Variants in LAMA1 observed in about 807,000 individuals in gnomAD.
LAMA1 encodes the protein laminin subunit alpha-1.
In LAMA1, 219 loss-of-function variants were observed where a neutral mutation model predicts 348.7. The observed-to-expected ratio is 0.63, with a 90% CI of 0.56 to 0.70. The LOEUF (loss-of-function observed/expected upper bound fraction) is 0.70, where lower values mean the gene tolerates loss of function less well. Among genes scored for constraint, LAMA1 ranks in the 30% least tolerant of loss-of-function variants. The probability of loss-of-function intolerance (pLI) is 0.00; values close to 1 mark genes in which losing one functional copy is unlikely to be tolerated. For missense variants in LAMA1, 3,744 were observed against 3,888.0 expected (o/e 0.96, Z 0.99); for synonymous variants, 1,487 against 1,491.0 (o/e 1.00, Z 0.06).
chr18:6,953,700 C>G (rs1288153993), intron 57 of LAMA1: 1 of 152,216 alleles, frequency 6.6e-6, no homozygotes, highest in Non-Finnish European at 1.5e-5. Context: ...ATTCCTTCCT[C>G]ATAGGAGAAT....
At chr18:7,068,497 T>C (rs1425188075) in intron 3 of LAMA1, among the ~76,000 whole-genome samples, 1 of 152,218 alleles carries the variant, frequency 6.6e-6, no homozygotes, top group East Asian at 1.9e-4. Flanking sequence ...TTCTTAGATA[T>C]GATGCAATGG....
intron 1 of LAMA1, among the ~76,000 whole-genome samples, chr18:7,107,269 C>T (rs2058315987): frequency 6.6e-6 from 1 of 152,008 alleles, no homozygotes; most frequent in Admixed American, 6.6e-5. Context: ...CAGGCACCCG[C>T]CACCACGCCC....
chr18:7,008,429 T>C, intron 28 of LAMA1, 59 bp downstream of exon 28: 2 of 1,604,606 alleles, frequency 1.2e-6, no homozygotes, highest in African/African-American at 1.3e-5. Context: ...TGGGAGTTGC[T>C]GTAACAAGCA....
intron 12 of LAMA1, among the ~76,000 whole-genome samples, chr18:7,037,118 C>T (rs1037000971): frequency 6.6e-6 from 1 of 152,192 alleles, no homozygotes; most frequent in Non-Finnish European, 1.5e-5. Flanking sequence ...CAGATGAGCA[C>T]AGCCTGCCAC....
Position 7,026,029 on chromosome 18 carries a change from T to G in LAMA1, c.2352A>C (p.Thr784=), listed in dbSNP as rs753377189. 6.2e-7 allele frequency: 1 copy of G among 1,609,682 alleles called. No homozygotes were observed. The highest frequency in any genetic ancestry group is 1.3e-5 in the African/African-American group (1 of 74,872). Residue 784 remains threonine (T), a synonymous_variant, in exon 17 of 63, where the codon ACA becomes ACC. Coordinates refer to ENST00000389658, the MANE Select transcript of LAMA1 (RefSeq NM_005559.4). The part of the protein sequence containing the change: ...PGFYGEPSRG[T]PGDCQPCACP... ...AGGCGCAGGGCTGGCAGTCCCCAGG[T>G]GTCCCTCGGGAAGGCTCCCCGTAGA...
intron 19 of LAMA1, 70 bp downstream of exon 19, chr18:7,023,094 A>T: frequency 6.6e-7 from 1 of 1,510,356 alleles, no homozygotes; most frequent in Non-Finnish European, 9.0e-7. Flanking sequence ...TGTGTGACAC[A>T]TGTGACTATA....
At chr18:7,106,651 C>T (rs11081304) in intron 1 of LAMA1, among the ~76,000 whole-genome samples, 43,007 of 151,860 alleles carry the variant, frequency 0.28, 6,230 homozygotes, top group South Asian at 0.34. Context: ...TGAGCCACCG[C>T]GCCCGGCCAG....
chr18:7,022,257 T>C (rs1339194981), intron 19 of LAMA1, among the ~76,000 whole-genome samples: 1 of 152,058 alleles, frequency 6.6e-6, no homozygotes, highest in Non-Finnish European at 1.5e-5. Context: ...GAGGAATGAA[T>C]CACCAAGGCT....
chr18:6,948,490 T>G lies in LAMA1; in HGVS notation c.8623A>C (p.Ser2875Arg), dbSNP rs148737122. 119 of 1,614,200 alleles carry G rather than the reference T, an allele frequency of 7.4e-5. 1 individual carries two copies. In the East Asian group the frequency reaches 1.6e-3, roughly 22 times the overall value. Residue 2875 changes from serine (S) to arginine (R), a missense_variant, in exon 60 of 63, where the codon AGC becomes CGC. Physicochemically the swap from Ser to Arg is moderately radical, Grantham distance 110 (BLOSUM62 -1). Around this residue, in one of 3 missense-constraint regions of LAMA1, gnomAD observed 232 missense variants for 264.4 expected, o/e 0.88. Coordinates refer to ENST00000389658, the MANE Select transcript of LAMA1 (RefSeq NM_005559.4). ...TVNSKQLDKD[S>R]PVSAFTVNRC... ...TTCACCGTGAAGGCAGACACCGGGCTGTCCTTGTCCAGCTGTTTGCTGTTA... is the reference window on the plus strand; with the variant it reads ...TTCACCGTGAAGGCAGACACCGGGCGGTCCTTGTCCAGCTGTTTGCTGTTA...
intron 58 of LAMA1, among the ~76,000 whole-genome samples, chr18:6,950,324 A>C (rs2057540826): frequency 6.6e-6 from 1 of 152,224 alleles, no homozygotes; most frequent in Admixed American, 6.5e-5. Context: ...GCAATAATTA[A>C]ACTCTTTCTT....
At chr18:7,108,029 CA>C (rs569759252) in intron 1 of LAMA1, among the ~76,000 whole-genome samples, 54 of 136,874 alleles carry the variant, frequency 3.9e-4, no homozygotes, top group Admixed American at 8.9e-4. Flanking sequence ...AAAAAAATAA[CA>C]AAAAAAAAAA....
chr18:7,043,065 C>T, intron 8 of LAMA1, 162 bp downstream of exon 8: 1 of 673,938 alleles, frequency 1.5e-6, no homozygotes, highest in Non-Finnish European at 2.5e-6. Context: ...GCAAGAAAAG[C>T]AGGATAGAGT....
chr18:6,976,999 G>T (rs1019922037), intron 44 of LAMA1, among the ~76,000 whole-genome samples: 2 of 152,220 alleles, frequency 1.3e-5, no homozygotes, highest in African/African-American at 4.8e-5. Flanking sequence ...GACACTTGAG[G>T]TTTTGGAAAA....
At chr18:7,108,044 A>C (rs2058320887) in intron 1 of LAMA1, among the ~76,000 whole-genome samples, 1 of 144,434 alleles carries the variant, frequency 6.9e-6, no homozygotes, top group Non-Finnish European at 1.5e-5. Context: ...AAAAAAAGAA[A>C]AGAAAAAATG....
Position 7,010,280 on chromosome 18 carries a change from T to TC in LAMA1, c.3792dup (p.Ile1265AspfsTer34). On this transcript the variant is annotated frameshift_variant, in exon 26 of 63. Coordinates refer to ENST00000389658, the MANE Select transcript of LAMA1 (RefSeq NM_005559.4). LOFTEE classifies it high-confidence loss of function. ...TCCATGTAAATGACTTGCTTTCTGATCCGACCACCTTTGATGAGAACTTGA... is the reference window on the plus strand; with the variant it reads ...TCCATGTAAATGACTTGCTTTCTGATCCCGACCACCTTTGATGAGAACTTGA... 6.2e-7 allele frequency: 1 copy of TC among 1,614,210 alleles called. No individual in the cohort carries two copies. The highest frequency in any genetic ancestry group is 1.1e-5 in the South Asian group (1 of 91,078).
At chr18:6,957,059 C>T (rs766751004) in intron 55 of LAMA1, 1 of 398,512 alleles carries the variant, frequency 2.5e-6, no homozygotes, top group South Asian at 2.2e-5. Flanking sequence ...CCTCCTCCTG[C>T]AGCCTTGACT....
In LAMA1 at chr18:7,048,946, C is replaced by T. The variant is rs1482640795; in HGVS notation, c.768+132G>A. 10 of 848,796 alleles carry T rather than the reference C, an allele frequency of 1.2e-5. No individual in the cohort carries two copies. In the Admixed American group the frequency reaches 2.2e-4, roughly 19 times the overall value. 52.6% of individuals were successfully genotyped at this position (848,796 alleles called of 1,614,324 possible). A position where few individuals can be genotyped will look rare whatever the true frequency, so the allele number is the denominator to read the frequency against. ...AGCAATCTTACATGAAATAAGGATA[C>T]AGCTGCTGGCAAGAAAAAAGGCCAA... On this transcript the variant is annotated intron_variant, in intron 5 of 62. Transcript: ENST00000389658.
Position 6,942,020 on chromosome 18 carries a change from C to CA in LAMA1, c.*58dup. 3 of 1,586,658 alleles carry CA rather than the reference C, an allele frequency of 1.9e-6. No homozygotes were observed. Among genetic ancestry groups the CA allele is most frequent in the Non-Finnish European group, 2.6e-6 (3 of 1,156,534 alleles). On this transcript the variant is annotated 3_prime_UTR_variant, in exon 63 of 63. Coordinates refer to ENST00000389658, the MANE Select transcript of LAMA1 (RefSeq NM_005559.4). ...ATGAACTGAAGAGATTCTTAATTCA[C>CA]ACATACACTTCTCCTCAAAATATTA...
At chr18:7,070,466 T>G (rs1156658082) in intron 3 of LAMA1, among the ~76,000 whole-genome samples, 1 of 152,222 alleles carries the variant, frequency 6.6e-6, no homozygotes, top group Non-Finnish European at 1.5e-5. Context: ...CTTGTTGACC[T>G]TGTCGATGTG....
Sources: allele counts gnomAD v4.1 joint callset (sites outside exome capture counted in the v4.1 genomes callset), GRCh38; gene constraint gnomAD v4.1.1; regional missense constraint gnomAD v4.1.1; transcripts MANE v1.5; gene names NCBI Gene and HGNC (gene_info 2026-07-23, HGNC 2026-07-21).